Variants in KCNN2 observed in about 807,000 individuals in gnomAD.
KCNN2 encodes small conductance calcium-activated potassium channel protein 2.
In KCNN2, 24 loss-of-function variants were observed where a neutral mutation model predicts 55.5. The ratio of observed to expected loss-of-function variants is 0.43; its 90% CI spans 0.31 to 0.61. The LOEUF is 0.61. Ranked by LOEUF, KCNN2 falls within the 20% of genes least tolerant of loss-of-function variation. KCNN2 has a pLI of 0.08. For missense variants in KCNN2, 754 were observed against 853.6 expected (o/e 0.88, Z 1.45); for synonymous variants, 431 against 336.1 (o/e 1.28, Z -3.09).
intron 3 of KCNN2, among the ~76,000 whole-genome samples, chr5:114,408,136 T>C (rs1441282635): frequency 1.3e-5 from 2 of 152,050 alleles, no homozygotes; most frequent in African/African-American, 2.4e-5. Context: ...TTCACCACTG[T>C]TGCCACAGAA....
chr5:114,144,688 A>G (rs1752360212), intron 1 of KCNN2, among the ~76,000 whole-genome samples: 1 of 152,036 alleles, frequency 6.6e-6, no homozygotes, highest in South Asian at 2.1e-4. Flanking sequence ...TGGTTTTTGA[A>G]CTAGTATGCA....
At position 114,496,263 on chromosome 5, in the gene KCNN2, G is replaced by T; in HGVS notation, c.*81G>T. On this transcript the variant is annotated 3_prime_UTR_variant, in exon 8 of 8. Coordinates refer to ENST00000673685, the MANE Select transcript of KCNN2 (RefSeq NM_021614.4). The stretch of plus-strand genomic sequence containing the variant: ...TAGCTTTTATTGTAAAGCCCCTATG[G>T]TTCTAATCAGCGTTATCCGGGTTCT... 7.0e-7 allele frequency: 1 copy of T among 1,438,068 alleles called. No homozygotes were observed. Among genetic ancestry groups the T allele is most frequent in the Admixed American group, 1.9e-5 (1 of 52,204 alleles). 89.1% of individuals were successfully genotyped at this position (1,438,068 alleles called of 1,614,324 possible). A position where few individuals can be genotyped will look rare whatever the true frequency, so the allele number is the denominator to read the frequency against.
intron 2 of KCNN2, among the ~76,000 whole-genome samples, chr5:114,394,912 C>T (rs1030631830): frequency 6.6e-6 from 1 of 152,114 alleles, no homozygotes; most frequent in Admixed American, 6.5e-5. Flanking sequence ...GCTGCTTCTC[C>T]CTTGTTACTC....
chr5:114,409,711 C>T (rs1759065976), intron 3 of KCNN2, among the ~76,000 whole-genome samples: 1 of 151,972 alleles, frequency 6.6e-6, no homozygotes, highest in African/African-American at 2.4e-5. Flanking sequence ...TATTCCTGTC[C>T]TTCTAGGAGC....
At position 114,103,389 on chromosome 5, in the gene KCNN2, C is replaced by A. The variant is rs144660448; in HGVS notation, c.-271+46889C>A. Among the ~76,000 whole-genome samples, 175 of 152,268 alleles carry A rather than the reference C, an allele frequency of 1.1e-3. 1 individual carries two copies. The highest frequency in any genetic ancestry group is 4.2e-3 in the African/African-American group (173 of 41,554). On this transcript the variant is annotated intron_variant, in intron 1 of 10. Transcript: ENST00000512097. Reference sequence around the variant, plus strand: ...TCTGCAAACAGAGATAATTTGACTTCTTGTCTTCCTATTTGAATACTCTTT... The same window carrying A: ...TCTGCAAACAGAGATAATTTGACTTATTGTCTTCCTATTTGAATACTCTTT...
chr5:114,201,164 A>G (rs760217686), intron 1 of KCNN2, among the ~76,000 whole-genome samples: 2 of 152,002 alleles, frequency 1.3e-5, no homozygotes, highest in Admixed American at 6.6e-5. Flanking sequence ...AGAAGCTGCA[A>G]TGAATTCGTG....
intron 2 of KCNN2, among the ~76,000 whole-genome samples, chr5:114,273,515 A>T (rs1755416048): frequency 6.6e-6 from 1 of 151,954 alleles, no homozygotes; most frequent in African/African-American, 2.4e-5. Context: ...TCCAGCATCT[A>T]TTGTTTCCTG....
intron 1 of KCNN2, among the ~76,000 whole-genome samples, chr5:114,072,410 A>G (rs1235195447): frequency 2.0e-5 from 3 of 152,196 alleles, no homozygotes; most frequent in Non-Finnish European, 4.4e-5. Context: ...GTCCAAGAGC[A>G]TAGTAATCCA....
chr5:114,137,631 T>C (rs1752200819), intron 1 of KCNN2, among the ~76,000 whole-genome samples: 1 of 152,190 alleles, frequency 6.6e-6, no homozygotes, highest in African/African-American at 2.4e-5. Context: ...ATAATTCTTA[T>C]ATGAGACTTG....
chr5:114,426,996 C>T (rs933280727), intron 3 of KCNN2, among the ~76,000 whole-genome samples: 8 of 152,142 alleles, frequency 5.3e-5, no homozygotes, highest in African/African-American at 1.9e-4. Context: ...GAAAAGTTTG[C>T]TTATTGTGGA....
At chr5:114,397,773 C>G (rs1758665087) in intron 2 of KCNN2, among the ~76,000 whole-genome samples, 1 of 152,144 alleles carries the variant, frequency 6.6e-6, no homozygotes. Context: ...TTGCCTTTCT[C>G]TGATGATTAG....
intron 2 of KCNN2, among the ~76,000 whole-genome samples, chr5:114,364,701 T>C (rs554728136): frequency 2.0e-5 from 3 of 152,012 alleles, no homozygotes; most frequent in Non-Finnish European, 4.4e-5. Context: ...ATCAGAATGC[T>C]CTATAAAACT....
At chr5:114,213,066 T>C (rs976410364) in intron 1 of KCNN2, among the ~76,000 whole-genome samples, 6 of 151,938 alleles carry the variant, frequency 3.9e-5, no homozygotes, top group African/African-American at 1.4e-4. Flanking sequence ...ACAAACTAAT[T>C]TGAGACCACG....
At chr5:114,397,729 C>A (rs528390552) in intron 2 of KCNN2, among the ~76,000 whole-genome samples, 1 of 152,152 alleles carries the variant, frequency 6.6e-6, no homozygotes, top group South Asian at 2.1e-4. Flanking sequence ...GCCATTCTAA[C>A]TGGTGTCAGA....
chr5:114,237,445 C>A (rs1754525993), intron 2 of KCNN2, among the ~76,000 whole-genome samples: 1 of 152,082 alleles, frequency 6.6e-6, no homozygotes, highest in African/African-American at 2.4e-5. Context: ...CAAGCCATGT[C>A]CTGCAAGTGG....
intron 2 of KCNN2, among the ~76,000 whole-genome samples, chr5:114,290,746 C>T (rs1205001038): frequency 1.3e-5 from 2 of 152,088 alleles, no homozygotes; most frequent in Non-Finnish European, 2.9e-5. Context: ...CCTCTGAACA[C>T]CGCTTTTACT....
intron 1 of KCNN2, among the ~76,000 whole-genome samples, chr5:114,067,343 C>T (rs1750472301): frequency 1.3e-5 from 2 of 152,222 alleles, no homozygotes; most frequent in Non-Finnish European, 2.9e-5. Flanking sequence ...TTTCTGGTCT[C>T]ACCCCAGACT....
chr5:114,443,060 A>C (rs781701764), intron 3 of KCNN2, among the ~76,000 whole-genome samples: 6 of 152,140 alleles, frequency 3.9e-5, no homozygotes, highest in Non-Finnish European at 8.8e-5. Flanking sequence ...TGGGAGGCTG[A>C]GGGGGTCAGA....
chr5:114,441,684 A>C (rs769210236), intron 3 of KCNN2, among the ~76,000 whole-genome samples: 1 of 152,154 alleles, frequency 6.6e-6, no homozygotes, highest in African/African-American at 2.4e-5. Flanking sequence ...TTGTGTGATC[A>C]TGTAATTTGG....
Sources: gnomAD v4.1 joint callset for allele counts (sites outside exome capture counted in the v4.1 genomes callset) on GRCh38, gnomAD v4.1.1 for gene constraint, MANE v1.5 for transcripts, NCBI Gene and HGNC (gene_info 2026-07-23, HGNC 2026-07-21) for gene names.